PRKACB: variants seen among roughly 807,000 people sequenced by gnomAD.
The protein encoded by PRKACB is cAMP-dependent protein kinase catalytic subunit beta.
In PRKACB, 16 loss-of-function variants were observed where a neutral mutation model predicts 51.4. The observed-to-expected ratio is 0.31, with a 90% confidence interval of 0.21 to 0.47. The LOEUF is 0.47. PRKACB is among the 20% of genes least tolerant of loss of function. The probability of loss-of-function intolerance (pLI) is 1.00; values close to 1 mark genes in which losing one functional copy is unlikely to be tolerated. For synonymous variants in PRKACB, 147 were observed against 154.4 expected, an observed-to-expected ratio of 0.95 and a Z score of 0.35; for missense variants, 309 against 464.5, an observed-to-expected ratio of 0.67 and a Z score of 3.08.
At chr1:84,156,781 A>G (rs1278624309) in intron 1 of PRKACB, among the ~76,000 whole-genome samples, 1 of 152,192 alleles carries the variant, frequency 6.6e-6, no homozygotes, top group African/African-American at 2.4e-5. Flanking sequence ...GGACTTTCAT[A>G]TTCTTGAACC....
chr1:84,234,499 G>A (rs1369564352), intron 9 of PRKACB, among the ~76,000 whole-genome samples: 64 of 151,990 alleles, frequency 4.2e-4, no homozygotes, highest in African/African-American at 4.6e-4. Flanking sequence ...AATGGCGGGC[G>A]CCCCTCCCCC....
chr1:84,124,881 TA>T (rs1273407332), intron 1 of PRKACB, among the ~76,000 whole-genome samples: 2 of 152,176 alleles, frequency 1.3e-5, no homozygotes, highest in Non-Finnish European at 2.9e-5. Context: ...CTCTAAGTGT[TA>T]AAGGGAGACA....
intron 1 of PRKACB, among the ~76,000 whole-genome samples, chr1:84,124,447 A>AGAGT (rs1557973881): frequency 6.6e-6 from 1 of 152,216 alleles, no homozygotes; most frequent in Non-Finnish European, 1.5e-5. Flanking sequence ...CATTATCTGA[A>AGAGT]GAGTGAGGTT....
intron 8 of PRKACB, among the ~76,000 whole-genome samples, chr1:84,207,984 C>G (rs1348729498): frequency 6.6e-6 from 1 of 152,174 alleles, no homozygotes; most frequent in African/African-American, 2.4e-5. Flanking sequence ...TCTCCTGCCT[C>G]AGCCTCCTGA....
intron 1 of PRKACB, among the ~76,000 whole-genome samples, chr1:84,178,424 A>T (rs1380835401): frequency 6.6e-6 from 1 of 152,018 alleles, no homozygotes; most frequent in Non-Finnish European, 1.5e-5. Flanking sequence ...TAATTTACAA[A>T]TTTAAAACTT....
At chr1:84,097,600 C>A (rs541187722) in intron 1 of PRKACB, among the ~76,000 whole-genome samples, 2 of 151,844 alleles carry the variant, frequency 1.3e-5, no homozygotes, top group African/African-American at 4.8e-5. Context: ...ATTATGGAGG[C>A]TGATAAGTCA....
intron 1 of PRKACB, among the ~76,000 whole-genome samples, chr1:84,112,124 A>C (rs1196352907): frequency 6.6e-6 from 1 of 152,106 alleles, no homozygotes; most frequent in Non-Finnish European, 1.5e-5. Context: ...ACAGAATGAG[A>C]ATATAGTGAT....
upstream of PRKACB, among the ~76,000 whole-genome samples, chr1:84,143,220 C>A (rs1411615804): frequency 6.6e-6 from 1 of 152,048 alleles, no homozygotes; most frequent in East Asian, 1.9e-4. Flanking sequence ...CCAAGGCGGG[C>A]GTATCGCTTG....
intron 8 of PRKACB, chr1:84,204,484 C>T (rs963340916): frequency 6.3e-7 from 1 of 1,593,674 alleles, no homozygotes; most frequent in Non-Finnish European, 8.6e-7. Context: ...CCCAGCAGAA[C>T]TTTTGATATG....
chr1:84,178,956 G>T, intron 1 of PRKACB: 1 of 340,180 alleles, frequency 2.9e-6, no homozygotes, highest in Non-Finnish European at 5.0e-6. Context: ...AATTATCAAA[G>T]TGGTTTCTTT....
intron 1 of PRKACB, among the ~76,000 whole-genome samples, chr1:84,095,172 C>A (rs1648826002): frequency 6.6e-6 from 1 of 151,490 alleles, no homozygotes; most frequent in Non-Finnish European, 1.5e-5. Context: ...TGACACATGA[C>A]TGTATTTAAC....
chr1:84,121,379 TTATACATATATATTCA>T (rs1651058499), intron 1 of PRKACB, among the ~76,000 whole-genome samples: 1 of 152,126 alleles, frequency 6.6e-6, no homozygotes, highest in Non-Finnish European at 1.5e-5. Context: ...CATTCATGTA[TTATACATATATATTCA>T]TATACATATA....
At chr1:84,140,113 C>T (rs999753129), upstream of PRKACB, among the ~76,000 whole-genome samples, 3 of 152,016 alleles carry the variant, frequency 2.0e-5, no homozygotes, top group Non-Finnish European at 4.4e-5. Context: ...TTCAGACTTA[C>T]TAGAAAGCTA....
chr1:84,112,304 C>T (rs901707196), intron 1 of PRKACB, among the ~76,000 whole-genome samples: 2 of 148,350 alleles, frequency 1.3e-5, no homozygotes, highest in Non-Finnish European at 3.0e-5. Flanking sequence ...GCAATCTCAG[C>T]TCACTGCAAC....
chr1:84,204,465 T>A (rs1220691077), intron 8 of PRKACB: 4 of 1,549,900 alleles, frequency 2.6e-6, no homozygotes, highest in Non-Finnish European at 3.6e-6. Flanking sequence ...ATCTTTGTAA[T>A]TGTTTTCTCC....
chr1:84,124,916 G>A (rs1442824851), intron 1 of PRKACB, among the ~76,000 whole-genome samples: 1 of 152,158 alleles, frequency 6.6e-6, no homozygotes, highest in Non-Finnish European at 1.5e-5. Context: ...CCATGACTAG[G>A]AGTTTCACAT....
rs1281714547 is a variant in PRKACB at position 84,221,260 on chromosome 1, A to G, written c.1071+6943A>G. Among the ~76,000 whole-genome samples, 4 of 13,138 alleles carry G rather than the reference A, an allele frequency of 3.0e-4. No homozygotes were observed. The Non-Finnish European group carries it at 0.011, about 37-fold the overall frequency. The allele number at this position is 13,138 out of a possible 152,430, so 8.6% of individuals were successfully genotyped here. A position where few individuals can be genotyped will look rare whatever the true frequency, so the allele number is the denominator to read the frequency against. On this transcript the variant is annotated intron_variant, in intron 9 of 9. Coordinates refer to ENST00000370685, the MANE Select transcript of PRKACB (RefSeq NM_182948.4). ...TAGTTGTTCATGATAGTCTCCAGTG[A>G]TCTCCTGTATTTCTGTGGTGTCAGT...
At chr1:84,220,078 A>C (rs1437352829) in intron 9 of PRKACB, among the ~76,000 whole-genome samples, 2 of 151,902 alleles carry the variant, frequency 1.3e-5, no homozygotes, top group Non-Finnish European at 2.9e-5. Flanking sequence ...CTGATTCATG[A>C]CCATGACCAT....
intron 1 of PRKACB, among the ~76,000 whole-genome samples, chr1:84,159,598 G>T (rs1238308988): frequency 6.6e-6 from 1 of 151,718 alleles, no homozygotes; most frequent in Non-Finnish European, 1.5e-5. Context: ...CTATTTTCTT[G>T]CCTCATTGCA....
Sources: gnomAD v4.1 joint callset for allele counts (sites outside exome capture counted in the v4.1 genomes callset) on GRCh38, gnomAD v4.1.1 for gene constraint, MANE v1.5 for transcripts, NCBI Gene and HGNC (gene_info 2026-07-23, HGNC 2026-07-21) for gene names.